The following EPS15 variants were observed in gnomAD, a reference collection of about 807,000 sequenced individuals.
EPS15 encodes epidermal growth factor receptor substrate 15.
In EPS15, 72 loss-of-function variants were observed where a neutral mutation model predicts 113.8. That is an observed-to-expected ratio of 0.63 (90% confidence interval 0.52 to 0.77). The LOEUF (loss-of-function observed/expected upper bound fraction) is 0.77, where lower values mean the gene tolerates loss of function less well. Among genes scored for constraint, EPS15 ranks in the 30% least tolerant of loss-of-function variants. The pLI is 0.00. For missense variants in EPS15, 1,048 were observed against 1,045.8 expected (o/e 1.00, Z -0.03); for synonymous variants, 344 against 363.4 (o/e 0.95, Z 0.61).
Position 51,410,025 on chromosome 1 carries a change from A to G in EPS15, c.1114-329T>C, listed in dbSNP as rs1247826121. Among the ~76,000 whole-genome samples the G allele has an allele frequency of 2.1e-4, 31 of 149,974 alleles. 1 individual carries two copies. The highest frequency in any genetic ancestry group is 1.5e-5 in the Non-Finnish European group (1 of 67,506). On this transcript the variant is annotated intron_variant, in intron 13 of 24. Transcript: ENST00000371733. ...TCTCAGATTCTCTGGTCAAAAAAAAACCCCACATGGAGAAACCCTGTCTCT... is the reference window on the plus strand; with the variant it reads ...TCTCAGATTCTCTGGTCAAAAAAAAGCCCCACATGGAGAAACCCTGTCTCT...
At chr1:51,467,738 G>A (rs940566878) in intron 5 of EPS15, among the ~76,000 whole-genome samples, 3 of 151,990 alleles carry the variant, frequency 2.0e-5, no homozygotes, top group South Asian at 2.1e-4. Flanking sequence ...ATGGGAGCAC[G>A]AACCCTATCA....
chr1:51,488,058 A>T (rs983773987), intron 1 of EPS15, among the ~76,000 whole-genome samples: 1 of 152,252 alleles, frequency 6.6e-6, no homozygotes, highest in Non-Finnish European at 1.5e-5. Context: ...TGATTTTTAC[A>T]TTCTTCTTCA....
chr1:51,462,141 T>G (rs1195380078), intron 7 of EPS15: 1 of 152,142 alleles, frequency 6.6e-6, no homozygotes, highest in Non-Finnish European at 1.5e-5. Context: ...AGCAGGTGGA[T>G]CACCTGAGGT....
chr1:51,358,143 T>C (rs1035124138), intron 24 of EPS15, among the ~76,000 whole-genome samples: 1 of 152,014 alleles, frequency 6.6e-6, no homozygotes, highest in African/African-American at 2.4e-5. Flanking sequence ...AACTCTGTTT[T>C]TACAAAAAAA....
At chr1:51,476,610 A>G (rs1643908731) in intron 2 of EPS15, among the ~76,000 whole-genome samples, 1 of 152,026 alleles carries the variant, frequency 6.6e-6, no homozygotes, top group Non-Finnish European at 1.5e-5. Flanking sequence ...TAGTCTTGCT[A>G]GCGGTCTATC....
At chr1:51,495,784 A>G (rs974327123) in intron 1 of EPS15, among the ~76,000 whole-genome samples, 4 of 152,154 alleles carry the variant, frequency 2.6e-5, no homozygotes, top group African/African-American at 7.2e-5. Flanking sequence ...CTGCCACCCA[A>G]TTGGGTGGGA....
At chr1:51,507,037 T>C (rs1644510923) in intron 1 of EPS15, among the ~76,000 whole-genome samples, 1 of 152,158 alleles carries the variant, frequency 6.6e-6, no homozygotes, top group South Asian at 2.1e-4. Context: ...AGAATAGCAT[T>C]TTTCAGATTA....
chr1:51,382,367 C>A (rs541015780), intron 21 of EPS15: 1 of 152,014 alleles, frequency 6.6e-6, no homozygotes, highest in African/African-American at 2.4e-5. Flanking sequence ...GTTAGCATGG[C>A]CCCTGTGCAA....
rs543001134 is a variant in EPS15, at chr1:51,489,153, C to A, written c.34-7839G>T. Among the ~76,000 whole-genome samples, 1,172 of 142,942 alleles carry A rather than the reference C, an allele frequency of 8.2e-3. 9 individuals carry two copies. The highest frequency in any genetic ancestry group is 8.9e-3 in the Non-Finnish European group (576 of 65,014). The allele number at this position is 142,942 out of a possible 152,430, so 93.8% of individuals were successfully genotyped here. A position where few individuals can be genotyped will look rare whatever the true frequency, so the allele number is the denominator to read the frequency against. ...TCCTAACTAATGTAAAAAAAAAAAA[C>A]AAAACAAAAGGAGGAACTGCTATTT... On this transcript the variant is annotated intron_variant, in intron 1 of 24. Coordinates refer to ENST00000371733, the MANE Select transcript of EPS15 (RefSeq NM_001981.3).
intron 4 of EPS15, among the ~76,000 whole-genome samples, chr1:51,470,774 A>G (rs1557501161): frequency 1.3e-5 from 2 of 152,200 alleles, no homozygotes; most frequent in Non-Finnish European, 2.9e-5. Context: ...TCAAACAATT[A>G]TAAGTAAAAA....
chr1:51,427,515 G>A (rs1651332612), intron 12 of EPS15, among the ~76,000 whole-genome samples: 1 of 152,136 alleles, frequency 6.6e-6, no homozygotes, highest in African/African-American at 2.4e-5. Flanking sequence ...TGCTACAACA[G>A]GTAAGCACTG....
chr1:51,440,874 G>A (rs937310938), intron 11 of EPS15, among the ~76,000 whole-genome samples: 1 of 152,042 alleles, frequency 6.6e-6, no homozygotes, highest in Non-Finnish European at 1.5e-5. Flanking sequence ...CAGACCTACA[G>A]TAGTGGTTGA....
intron 21 of EPS15, among the ~76,000 whole-genome samples, chr1:51,369,991 G>A (rs1646607640): frequency 6.6e-6 from 1 of 152,190 alleles, no homozygotes; most frequent in Non-Finnish European, 1.5e-5. Flanking sequence ...TGAATAACAA[G>A]GAATAAGGGA....
At chr1:51,375,096 G>A (rs561909051) in intron 21 of EPS15, among the ~76,000 whole-genome samples, 134 of 142,830 alleles carry the variant, frequency 9.4e-4, no homozygotes, top group African/African-American at 3.5e-3. Flanking sequence ...CTGCCTCCTC[G>A]GTTCACGCCA....
At position 51,452,234 on chromosome 1, in the gene EPS15, A is replaced by G. The variant is rs552017928; in HGVS notation, c.562-4099T>C. On this transcript the variant is annotated intron_variant, in intron 8 of 24. Transcript: ENST00000371733. ...GAAAATTTGCATATAATCATATATT[A>G]AGTTTTGTGGGGCTTTCACATATAT... is the stretch of plus-strand genomic sequence containing the variant. Among the ~76,000 whole-genome samples the G allele has an allele frequency of 7.2e-5, 11 of 151,914 alleles. No individual in the cohort carries two copies. The East Asian group carries it at 1.7e-3, about 24-fold the overall frequency.
intron 2 of EPS15, among the ~76,000 whole-genome samples, chr1:51,479,664 T>C (rs1335009681): frequency 1.3e-5 from 2 of 152,236 alleles, no homozygotes; most frequent in Admixed American, 6.5e-5. Context: ...TATAGCAATA[T>C]AGTTATTACA....
intron 8 of EPS15, among the ~76,000 whole-genome samples, chr1:51,450,243 G>T (rs35380971): frequency 6.6e-6 from 1 of 151,608 alleles, no homozygotes; most frequent in Non-Finnish European, 1.5e-5. Context: ...GCCACACTGG[G>T]GGGGGCTGTA....
At chr1:51,357,415 TATATATATA>T (rs1385725332) in intron 24 of EPS15, among the ~76,000 whole-genome samples, 8 of 61,868 alleles carry the variant, frequency 1.3e-4, no homozygotes, top group African/African-American at 4.5e-4. Context: ...TATATATATA[TATATATATA>T]TATTTTTTTT....
chr1:51,511,640 A>G (rs887403848), intron 1 of EPS15, among the ~76,000 whole-genome samples: 1 of 152,186 alleles, frequency 6.6e-6, no homozygotes, highest in African/African-American at 2.4e-5. Context: ...TCTAATGGAT[A>G]AGGATGCTGC....
Sources: allele counts gnomAD v4.1 joint callset (sites outside exome capture counted in the v4.1 genomes callset), GRCh38; gene constraint gnomAD v4.1.1; transcripts MANE v1.5; gene names NCBI Gene and HGNC (gene_info 2026-07-23, HGNC 2026-07-21).